Variants in DIP2B observed in about 807,000 individuals in gnomAD.
The protein encoded by DIP2B is disco-interacting protein 2 homolog B.
A neutral mutation model predicts 198.0 loss-of-function variants in DIP2B; 76 were observed. The observed-to-expected ratio is 0.38, with a 90% CI of 0.32 to 0.46. The LOEUF (loss-of-function observed/expected upper bound fraction) is 0.46. DIP2B is among the 20% of genes least tolerant of loss of function. The pLI is 0.99. For synonymous variants in DIP2B, 701 were observed against 739.1 expected (o/e 0.95, Z 0.84); for missense variants, 1,559 against 1,978.4 (o/e 0.79, Z 4.02).
intron 3 of DIP2B, among the ~76,000 whole-genome samples, chr12:50,659,975 T>TGCA (rs2139511128): frequency 6.6e-6 from 1 of 152,290 alleles, no homozygotes; most frequent in East Asian, 1.9e-4. Flanking sequence ...ATTCTGGACT[T>TGCA]CATTTTCCTC....
intron 4 of DIP2B, among the ~76,000 whole-genome samples, chr12:50,667,016 A>C (rs1938766497): frequency 6.6e-6 from 1 of 152,242 alleles, no homozygotes; most frequent in Non-Finnish European, 1.5e-5. Context: ...CTATAGGCAC[A>C]CACCACCACA....
At chr12:50,739,614 C>A (rs746975413) in intron 36 of DIP2B, 28 bp downstream of exon 36, 2 of 1,609,744 alleles carry the variant, frequency 1.2e-6, no homozygotes, top group South Asian at 1.1e-5. Context: ...CCCCATTGAC[C>A]CTGCTTTGTG....
intron 2 of DIP2B, among the ~76,000 whole-genome samples, chr12:50,629,405 T>C (rs1435388503): frequency 6.6e-6 from 1 of 152,162 alleles, no homozygotes; most frequent in Non-Finnish European, 1.5e-5. Flanking sequence ...AGTTTCTGAT[T>C]CATCTGGTCC....
rs1939324072 is a variant in DIP2B at position 50,696,989 on chromosome 12, ATTC to A, written c.1934-69_1934-67del. Reference sequence around the variant, plus strand: ...TGAGAAATAAGTATGTCAGCTTTCTATTCTTTACCATTTTCCTACAGTAATGAA... The same window carrying A: ...TGAGAAATAAGTATGTCAGCTTTCTATTTACCATTTTCCTACAGTAATGAA... On this transcript the variant is annotated intron_variant, in intron 16 of 37. Transcript: ENST00000301180. The A allele has an allele frequency of 2.5e-5, 29 of 1,168,050 alleles. No individual in the cohort carries two copies. In the South Asian group the frequency reaches 3.4e-4, roughly 14 times the overall value. The allele number at this position is 1,168,050 out of a possible 1,614,324, so 72.4% of individuals were successfully genotyped here.
intron 3 of DIP2B, among the ~76,000 whole-genome samples, chr12:50,654,356 CTTT>C (rs762869779): frequency 1.5e-5 from 2 of 131,512 alleles, no homozygotes; most frequent in Admixed American, 7.6e-5. Context: ...TTCTTTCTTT[CTTT>C]TTTTTTTTTT....
At chr12:50,606,663 C>G (rs566943732) in intron 1 of DIP2B, among the ~76,000 whole-genome samples, 2 of 152,206 alleles carry the variant, frequency 1.3e-5, no homozygotes, top group South Asian at 4.2e-4. Context: ...TAATTTTTTT[C>G]TGAGATTTTA....
At chr12:50,555,582 G>C in intron 1 of DIP2B, among the ~76,000 whole-genome samples, 1 of 152,072 alleles carries the variant, frequency 6.6e-6, no homozygotes, top group East Asian at 1.9e-4. Context: ...GAAGTTGCCC[G>C]AGCTGCCCTT....
chr12:50,562,500 C>T (rs1178596400), intron 1 of DIP2B, among the ~76,000 whole-genome samples: 4 of 151,888 alleles, frequency 2.6e-5, no homozygotes, highest in Admixed American at 6.6e-5. Flanking sequence ...TTTGGGAAAC[C>T]GAGGGCAGTG....
chr12:50,694,558 T>TACAC (rs1939276288), intron 14 of DIP2B, among the ~76,000 whole-genome samples: 6 of 131,844 alleles, frequency 4.6e-5, no homozygotes, highest in Admixed American at 8.0e-5. Flanking sequence ...CATACATACA[T>TACAC]ACACCAGTCC....
chr12:50,704,180 T>G lies in DIP2B; in HGVS notation c.2366T>G (p.Val789Gly). The G allele has an allele frequency of 6.2e-7, 1 of 1,611,698 alleles. No homozygotes were observed. The highest frequency in any genetic ancestry group is 8.5e-7 in the Non-Finnish European group (1 of 1,179,658). ...VNSAGSPVGDVPFIRSGLLGF... is the reference protein window; with the variant it reads ...VNSAGSPVGDGPFIRSGLLGF... ...TCTGCAGGCTCTCCTGTTGGGGATGTGCCATTCATCCGATCAGGATTGCTG... is the reference window on the plus strand; with the variant it reads ...TCTGCAGGCTCTCCTGTTGGGGATGGGCCATTCATCCGATCAGGATTGCTG... Residue 789 changes from valine to glycine, a missense_variant, in exon 20 of 38, where the codon GTG becomes GGG. Val to Gly is a moderately radical substitution (Grantham distance 109). Coordinates refer to ENST00000301180, the MANE Select transcript of DIP2B (RefSeq NM_173602.3).
intron 1 of DIP2B, among the ~76,000 whole-genome samples, chr12:50,545,116 T>C (rs1421336713): frequency 2.0e-5 from 3 of 152,188 alleles, no homozygotes; most frequent in Admixed American, 1.3e-4. Flanking sequence ...GAATGTTTTG[T>C]ATATGTTTTG....
At chr12:50,530,434 C>G (rs1283234043) in intron 1 of DIP2B, among the ~76,000 whole-genome samples, 1 of 152,118 alleles carries the variant, frequency 6.6e-6, no homozygotes, top group Non-Finnish European at 1.5e-5. Flanking sequence ...TTGGGAAGAG[C>G]ATTCATGGGA....
intron 23 of DIP2B, among the ~76,000 whole-genome samples, chr12:50,717,696 C>T (rs1215440592): frequency 6.6e-6 from 1 of 151,188 alleles, no homozygotes; most frequent in African/African-American, 2.4e-5. Flanking sequence ...ACAAATGATC[C>T]TCCCACCTCA....
intron 1 of DIP2B, among the ~76,000 whole-genome samples, chr12:50,570,724 A>G (rs1958605511): frequency 6.6e-6 from 1 of 152,274 alleles, no homozygotes. Context: ...AAAGAAAACA[A>G]CAACAAACAA....
intron 1 of DIP2B, among the ~76,000 whole-genome samples, chr12:50,617,800 C>G (rs1310368882): frequency 6.6e-6 from 1 of 152,060 alleles, no homozygotes; most frequent in Admixed American, 6.5e-5. Context: ...CAGAGAGAGA[C>G]TCCATCTCAA....
chr12:50,719,826 G>A (rs1415463191), intron 25 of DIP2B, among the ~76,000 whole-genome samples: 1 of 149,642 alleles, frequency 6.7e-6, no homozygotes, highest in Non-Finnish European at 1.5e-5. Flanking sequence ...GGGTGACAGA[G>A]CAAGACCCTG....
At chr12:50,569,091 CTT>C (rs200901404) in intron 1 of DIP2B, among the ~76,000 whole-genome samples, 14 of 133,594 alleles carry the variant, frequency 1.0e-4, no homozygotes, top group African/African-American at 8.2e-5. Context: ...TTTCTTTTGT[CTT>C]TTTTTTTTTT....
chr12:50,732,028 G>T (rs931707247), intron 31 of DIP2B, among the ~76,000 whole-genome samples: 1 of 152,118 alleles, frequency 6.6e-6, no homozygotes, highest in Admixed American at 6.5e-5. Context: ...AGATTAGATC[G>T]CCAGAGTTCT....
At chr12:50,648,228 GTTATCC>G (rs1322157183) in intron 3 of DIP2B, among the ~76,000 whole-genome samples, 5 of 152,158 alleles carry the variant, frequency 3.3e-5, no homozygotes, top group Non-Finnish European at 7.4e-5. Context: ...ATGTTTCAGT[GTTATCC>G]TTATCTTGGT....
Sources: allele counts gnomAD v4.1 joint callset (sites outside exome capture counted in the v4.1 genomes callset), GRCh38; gene constraint gnomAD v4.1.1; transcripts MANE v1.5; gene names NCBI Gene and HGNC (gene_info 2026-07-23, HGNC 2026-07-21).